HDAC4: variants seen among roughly 807,000 people sequenced by gnomAD.
HDAC4 encodes the protein histone deacetylase 4.
In HDAC4, 16 loss-of-function variants were observed where a neutral mutation model predicts 135.1. That is an observed-to-expected ratio of 0.12 (90% confidence interval 0.08 to 0.18). The LOEUF (loss-of-function observed/expected upper bound fraction) is 0.18, where lower values mean the gene tolerates loss of function less well. HDAC4 is among the 10% of genes least tolerant of loss of function. HDAC4 has a pLI of 1.00. For missense variants in HDAC4, 1,143 were observed against 1,511.8 expected, an observed-to-expected ratio of 0.76 and a Z score of 4.05; for synonymous variants, 685 against 653.4, an observed-to-expected ratio of 1.05 and a Z score of -0.74.
At chr2:239,078,959 C>A (rs1002853511) in intron 22 of HDAC4, among the ~76,000 whole-genome samples, 1 of 152,226 alleles carries the variant, frequency 6.6e-6, no homozygotes, top group African/African-American at 2.4e-5. Context: ...GGGAATTTGG[C>A]CACAGTGGGC....
chr2:239,382,747 G>A (rs757599909), intron 1 of HDAC4, among the ~76,000 whole-genome samples: 2 of 150,878 alleles, frequency 1.3e-5, no homozygotes, highest in Non-Finnish European at 3.0e-5. Context: ...TTTTTTAGAC[G>A]CAGTTTGGTT....
intron 5 of HDAC4, among the ~76,000 whole-genome samples, chr2:239,174,506 T>G (rs1053359720): frequency 6.6e-6 from 1 of 152,200 alleles, no homozygotes; most frequent in Non-Finnish European, 1.5e-5. Flanking sequence ...CAGCAAGTGT[T>G]GACAAGGACA....
intron 2 of HDAC4, among the ~76,000 whole-genome samples, chr2:239,279,918 C>T (rs999216980): frequency 5.3e-5 from 8 of 152,264 alleles, no homozygotes; most frequent in Middle Eastern, 3.4e-3. Flanking sequence ...GCCTGTCTGA[C>T]GTTTCCCTCC....
At chr2:239,126,327 T>C in intron 12 of HDAC4, 129 bp downstream of exon 12, 3 of 1,488,702 alleles carry the variant, frequency 2.0e-6, no homozygotes, top group Admixed American at 3.6e-5. Context: ...AGCATGTGCC[T>C]CCTCGGTTCC....
At chr2:239,350,596 C>T (rs1424619929) in intron 2 of HDAC4, among the ~76,000 whole-genome samples, 1 of 152,204 alleles carries the variant, frequency 6.6e-6, no homozygotes, top group East Asian at 1.9e-4. Context: ...CTCTGCCTCC[C>T]AGGTTCAAGC....
At chr2:239,260,680 C>T (rs1294094659) in intron 2 of HDAC4, among the ~76,000 whole-genome samples, 2 of 152,174 alleles carry the variant, frequency 1.3e-5, no homozygotes, top group African/African-American at 4.8e-5. Flanking sequence ...GCTCCTGCAG[C>T]CTGCAAGGTT....
chr2:239,219,852 G>A, intron 3 of HDAC4, among the ~76,000 whole-genome samples: 1 of 152,216 alleles, frequency 6.6e-6, no homozygotes, highest in East Asian at 1.9e-4. Context: ...GGCACACACT[G>A]TGGGTACCTT....
At chr2:239,073,862 G>A (rs2034453845) in intron 22 of HDAC4, among the ~76,000 whole-genome samples, 1 of 152,218 alleles carries the variant, frequency 6.6e-6, no homozygotes, top group African/African-American at 2.4e-5. Flanking sequence ...TGGACCCAGG[G>A]CCCTGCCCTG....
chr2:239,054,792 A>G lies in HDAC4; in HGVS notation c.3045T>C (p.Asn1015=). ...TCTCCATGGAACGGACAGCGTTTGC[A>G]TTGGGTCTTTGCTGTAAAACCTTTT... is the stretch of plus-strand genomic sequence containing the variant. ...LPEKVLQQRP[N]ANAVRSMEKV... Residue 1015 remains asparagine (N), a synonymous_variant, in exon 25 of 27, where the codon AAT becomes AAC. Coordinates refer to ENST00000543185, the MANE Select transcript of HDAC4 (RefSeq NM_001378414.1). 1.9e-6 allele frequency: 3 copies of G among 1,613,734 alleles called. No homozygotes were observed. The highest frequency in any genetic ancestry group is 1.7e-6 in the Non-Finnish European group (2 of 1,179,668).
intron 3 of HDAC4, among the ~76,000 whole-genome samples, chr2:239,212,222 C>T (rs2046384753): frequency 6.6e-6 from 1 of 152,060 alleles, no homozygotes; most frequent in Middle Eastern, 3.2e-3. Context: ...TCATCTCTAA[C>T]CTTAATTGTG....
At chr2:239,099,559 G>A (rs563645501) in intron 16 of HDAC4, among the ~76,000 whole-genome samples, 1 of 152,194 alleles carries the variant, frequency 6.6e-6, no homozygotes, top group Non-Finnish European at 1.5e-5. Flanking sequence ...AATCCTGAGG[G>A]ACAGCACACT....
chr2:239,120,393 ACG>A (rs1363579030), intron 12 of HDAC4, among the ~76,000 whole-genome samples: 2 of 147,454 alleles, frequency 1.4e-5, no homozygotes, highest in Non-Finnish European at 3.0e-5. Context: ...GCACACACAG[ACG>A]CACACAGACA....
rs982552154 is a variant in HDAC4 at position 239,052,677 on chromosome 2, T to G, written c.*420A>C. On this transcript the variant is annotated 3_prime_UTR_variant, in exon 27 of 27. Coordinates refer to ENST00000543185, the MANE Select transcript of HDAC4 (RefSeq NM_001378414.1). ...GACTGTGGAGTTGTGGGTAATAAACTTTAAGCACCAGTTTTAATCAAGTTT... is the reference window on the plus strand; with the variant it reads ...GACTGTGGAGTTGTGGGTAATAAACGTTAAGCACCAGTTTTAATCAAGTTT... The G allele has an allele frequency of 2.0e-5, 5 of 244,972 alleles. No individual in the cohort carries two copies. In the South Asian group the frequency reaches 2.7e-4, roughly 13 times the overall value. 15.2% of individuals were successfully genotyped at this position (244,972 alleles called of 1,614,324 possible).
rs565017046 is a variant in HDAC4, at chr2:239,083,187, C to T, written c.2533-966G>A. ...ATCACAGCTCAGCGCGCAGGGAGCA[C>T]GCCACACAGGGTCTACGCAGCCTGT... On this transcript the variant is annotated intron_variant, in intron 20 of 26. Coordinates refer to ENST00000543185, the MANE Select transcript of HDAC4 (RefSeq NM_001378414.1). Among the ~76,000 whole-genome samples the T allele has an allele frequency of 4.6e-5, 7 of 152,330 alleles. No homozygotes were observed. In the South Asian group the frequency reaches 8.3e-4, roughly 18 times the overall value.
At chr2:239,161,853 C>G (rs1180591393) in intron 6 of HDAC4, 2 of 379,920 alleles carry the variant, frequency 5.3e-6, no homozygotes, top group South Asian at 4.0e-5. Context: ...TCTCCCGTCT[C>G]TCAGCACGTC....
intron 1 of HDAC4, among the ~76,000 whole-genome samples, chr2:239,394,153 C>T (rs1276989449): frequency 6.6e-6 from 1 of 152,164 alleles, no homozygotes; most frequent in East Asian, 1.9e-4. Flanking sequence ...AATGCTGGTT[C>T]AGACTTTCAG....
intron 15 of HDAC4, among the ~76,000 whole-genome samples, chr2:239,106,996 G>A (rs2038202863): frequency 6.6e-6 from 1 of 151,676 alleles, no homozygotes; most frequent in South Asian, 2.1e-4. Flanking sequence ...CCTGGCATGG[G>A]TGGGGCCTTG....
At position 239,143,546 on chromosome 2, in the gene HDAC4, G is replaced by C. The variant is rs1239974475; in HGVS notation, c.865+1037C>G. ...AGTTCCCCTGGGCATGAAGATGTCA[G>C]ATACTTTTTAATAGAAATCCACAAA... On this transcript the variant is annotated intron_variant, in intron 8 of 26. Transcript: ENST00000543185. 3.3e-5 allele frequency among the ~76,000 whole-genome samples: 5 copies of C among 152,328 alleles called. No individual in the cohort carries two copies. The East Asian group carries it at 9.7e-4, about 29-fold the overall frequency.
In HDAC4 at chr2:239,299,293, T is replaced by C. The variant is rs1426203975; in HGVS notation, c.22+53385A>G. On this transcript the variant is annotated intron_variant, in intron 2 of 26. Transcript: ENST00000543185. This position sits in a 1 kb window ranked among gnomAD's most constrained non-coding sequence, Gnocchi z 4.0. ...GTGAAAATGCCTCATGATTGGTCCA[T>C]CCTGTACAATAGGTTTATTTGTTTT... Among the ~76,000 whole-genome samples the C allele has an allele frequency of 6.6e-6, 1 of 152,228 alleles. No homozygotes were observed. Among genetic ancestry groups the C allele is most frequent in the Non-Finnish European group, 1.5e-5 (1 of 68,042 alleles).
Sources: allele counts gnomAD v4.1 joint callset (sites outside exome capture counted in the v4.1 genomes callset), GRCh38; gene constraint gnomAD v4.1.1; non-coding constraint Gnocchi (gnomAD v3.1); transcripts MANE v1.5; gene names NCBI Gene and HGNC (gene_info 2026-07-23, HGNC 2026-07-21).